LRRC20: variants seen among roughly 807,000 people sequenced by gnomAD.
LRRC20 encodes the protein leucine-rich repeat-containing protein 20.
A neutral mutation model predicts 14.4 loss-of-function variants in LRRC20; 11 were observed. The observed-to-expected ratio is 0.77, with a 90% CI of 0.48 to 1.27. LRRC20 has a LOEUF of 1.27. Ranked by LOEUF, LRRC20 falls within the 50% of genes most tolerant of loss-of-function variation. The probability of loss-of-function intolerance (pLI) is 0.00; values close to 1 mark genes in which losing one functional copy is unlikely to be tolerated. For missense variants in LRRC20, 219 were observed against 251.2 expected, an observed-to-expected ratio of 0.87 and a Z score of 0.87; for synonymous variants, 121 against 107.3, an observed-to-expected ratio of 1.13 and a Z score of -0.79.
At chr10:70,308,108 C>T (rs149585691) in intron 4 of LRRC20, among the ~76,000 whole-genome samples, 59 of 152,278 alleles carry the variant, frequency 3.9e-4, no homozygotes, top group African/African-American at 1.3e-3. Flanking sequence ...CTATGGCTCC[C>T]GGAGCCCCTC....
chr10:70,373,350 C>G (rs1445750200), intron 2 of LRRC20, among the ~76,000 whole-genome samples: 2 of 152,194 alleles, frequency 1.3e-5, no homozygotes, highest in African/African-American at 4.8e-5. Flanking sequence ...TAGCATGGAG[C>G]CTGTGTGTCA....
At chr10:70,335,468 C>G (rs543189586) in intron 3 of LRRC20, among the ~76,000 whole-genome samples, 1 of 152,362 alleles carries the variant, frequency 6.6e-6, no homozygotes, top group African/African-American at 2.4e-5. Flanking sequence ...CAGCCAGCTC[C>G]GGCTGCCCTG....
Position 70,358,496 on chromosome 10 carries a change from AGTT to A in LRRC20, c.83-17797_83-17795del, listed in dbSNP as rs368460060. 7.4e-3 allele frequency among the ~76,000 whole-genome samples: 1,133 copies of A among 152,320 alleles called. 13 individuals carry two copies. Among genetic ancestry groups the A allele is most frequent in the South Asian group, 0.056 (269 of 4,830 alleles). ...CCTGTAAGCAATGGCTTCTCAGAACAGTTGTTTGTCCTCCTGATCTCACAGATG... is the reference window on the plus strand; with the variant it reads ...CCTGTAAGCAATGGCTTCTCAGAACAGTTTGTCCTCCTGATCTCACAGATG... On this transcript the variant is annotated intron_variant, in intron 2 of 4. Transcript: ENST00000446961.
chr10:70,313,685 C>T (rs1338087911), intron 4 of LRRC20, among the ~76,000 whole-genome samples: 2 of 152,164 alleles, frequency 1.3e-5, no homozygotes, highest in African/African-American at 4.8e-5. Context: ...TCAGGGACCA[C>T]CTTTGTAAAA....
chr10:70,321,000 G>T lies in LRRC20; in HGVS notation c.400+2863C>A, dbSNP rs1051408313. ...CTGAGAGCCTCCCCGTCTTTCCAGC[G>T]CCAGGTTGGGGCCGCTTTGGGGAGG... On this transcript the variant is annotated intron_variant, in intron 4 of 4. Coordinates refer to ENST00000446961, the MANE Select transcript of LRRC20 (RefSeq NM_001278212.2). 2.6e-5 allele frequency among the ~76,000 whole-genome samples: 4 copies of T among 152,288 alleles called. No individual in the cohort carries two copies. The East Asian group carries it at 7.7e-4, about 29-fold the overall frequency.
chr10:70,327,911 CCACGCTGG>C (rs1363085989), intron 3 of LRRC20, among the ~76,000 whole-genome samples: 1 of 152,176 alleles, frequency 6.6e-6, no homozygotes, highest in African/African-American at 2.4e-5. Context: ...GAGAAGCAGG[CCACGCTGG>C]CACCTCACTT....
In LRRC20 at chr10:70,349,912, A is replaced by G. The variant is rs184974559; in HGVS notation, c.83-9210T>C. Among the ~76,000 whole-genome samples, 8 of 152,274 alleles carry G rather than the reference A, an allele frequency of 5.3e-5. No individual in the cohort carries two copies. The South Asian group carries it at 1.2e-3, about 24-fold the overall frequency. On this transcript the variant is annotated intron_variant, in intron 2 of 4. Coordinates refer to ENST00000446961, the MANE Select transcript of LRRC20 (RefSeq NM_001278212.2). ...CAGTCACTGGCAGATTGGGATGTTTAGGGTCACCCTAGATTCAGGTGGATG... is the reference window on the plus strand; with the variant it reads ...CAGTCACTGGCAGATTGGGATGTTTGGGGTCACCCTAGATTCAGGTGGATG...
At chr10:70,331,353 G>A (rs1842529848) in intron 3 of LRRC20, among the ~76,000 whole-genome samples, 1 of 152,182 alleles carries the variant, frequency 6.6e-6, no homozygotes, top group Non-Finnish European at 1.5e-5. Flanking sequence ...GGCCAACTGG[G>A]GCCAGCAAGG....
chr10:70,342,882 T>C (rs1048891653), intron 2 of LRRC20, among the ~76,000 whole-genome samples: 26 of 152,144 alleles, frequency 1.7e-4, no homozygotes, highest in Admixed American at 9.2e-4. Flanking sequence ...ACCCCATTTA[T>C]CTCTCAGAAA....
chr10:70,345,462 A>C (rs1328904881), intron 2 of LRRC20, among the ~76,000 whole-genome samples: 1 of 152,188 alleles, frequency 6.6e-6, no homozygotes, highest in African/African-American at 2.4e-5. Flanking sequence ...GATCAACAAA[A>C]CTAACTGCAT....
chr10:70,342,960 T>G (rs1169869239), intron 2 of LRRC20, among the ~76,000 whole-genome samples: 1 of 152,194 alleles, frequency 6.6e-6, no homozygotes. Context: ...TGCTCCAAAA[T>G]AAACATGTGA....
chr10:70,311,352 C>A (rs1483464089), intron 4 of LRRC20, among the ~76,000 whole-genome samples: 5 of 151,610 alleles, frequency 3.3e-5, no homozygotes, highest in Non-Finnish European at 7.4e-5. Context: ...CCTCAGCCTC[C>A]CTGGGATTAC....
intron 2 of LRRC20, among the ~76,000 whole-genome samples, chr10:70,344,057 T>C (rs1842998478): frequency 6.6e-6 from 1 of 152,040 alleles, no homozygotes. Flanking sequence ...AAAAACTAGC[T>C]GGGCATGGTG....
chr10:70,326,670 A>G (rs532204397), intron 3 of LRRC20, among the ~76,000 whole-genome samples: 1 of 152,228 alleles, frequency 6.6e-6, no homozygotes, highest in Admixed American at 6.5e-5. Context: ...TGCTATCCAG[A>G]TCACCATTAT....
In LRRC20 at chr10:70,304,470, T is replaced by TTATCTATATATATATATA. The variant is rs1293891046; in HGVS notation, c.401-2963_401-2962insTATATATATATATAGATA. On this transcript the variant is annotated intron_variant, in intron 4 of 4. Coordinates refer to ENST00000446961, the MANE Select transcript of LRRC20 (RefSeq NM_001278212.2). ...GCTATATAGATATCAGGCCACTTCT[T>TTATCTATATATATATATA]TATATATATATATATATATATATAT... Among the ~76,000 whole-genome samples, 29 of 113,820 alleles carry TTATCTATATATATATATA rather than the reference T, an allele frequency of 2.5e-4. 1 individual carries two copies. The highest frequency in any genetic ancestry group is 8.4e-4 in the African/African-American group (28 of 33,440). 74.7% of individuals were successfully genotyped at this position (113,820 alleles called of 152,430 possible). A position where few individuals can be genotyped will look rare whatever the true frequency, so the allele number is the denominator to read the frequency against.
intron 2 of LRRC20, among the ~76,000 whole-genome samples, chr10:70,344,178 A>G (rs913866695): frequency 6.6e-6 from 1 of 152,082 alleles, no homozygotes; most frequent in Non-Finnish European, 1.5e-5. Context: ...CTCCAGCCTG[A>G]GTGACAGTGA....
intron 2 of LRRC20, among the ~76,000 whole-genome samples, chr10:70,360,298 C>G (rs1257446102): frequency 6.6e-6 from 1 of 152,120 alleles, no homozygotes; most frequent in East Asian, 1.9e-4. Context: ...CTCAAGTGAT[C>G]CCAGTCTGCC....
intron 3 of LRRC20, 91 bp downstream of exon 3, chr10:70,340,462 G>A: frequency 2.6e-5 from 38 of 1,480,268 alleles, no homozygotes; most frequent in Non-Finnish European, 3.4e-5. Flanking sequence ...GCTGACCAGG[G>A]ACCAGCTCTG....
chr10:70,354,807 C>A (rs1040969962), intron 2 of LRRC20, among the ~76,000 whole-genome samples: 1 of 152,190 alleles, frequency 6.6e-6, no homozygotes, highest in Non-Finnish European at 1.5e-5. Flanking sequence ...TCTCTTCTCT[C>A]GCTTTGTTCA....
Sources: allele counts gnomAD v4.1 joint callset (sites outside exome capture counted in the v4.1 genomes callset), GRCh38; gene constraint gnomAD v4.1.1; transcripts MANE v1.5; gene names NCBI Gene and HGNC (gene_info 2026-07-23, HGNC 2026-07-21).